The following TRERF1 variants were observed in gnomAD, a reference collection of about 807,000 sequenced individuals.
The protein encoded by TRERF1 is transcriptional-regulating factor 1.
TRERF1 carries 27 observed loss-of-function variants against 122.9 expected under a neutral mutation model. The observed-to-expected ratio is 0.22, with a 90% CI of 0.16 to 0.30. TRERF1 has a LOEUF of 0.30. Among genes scored for constraint, TRERF1 ranks in the 10% least tolerant of loss-of-function variants. The pLI is 1.00. For synonymous variants in TRERF1, 636 were observed against 641.7 expected, an observed-to-expected ratio of 0.99 and a Z score of 0.13; for missense variants, 1,248 against 1,560.3, an observed-to-expected ratio of 0.80 and a Z score of 3.37.
chr6:42,226,978 C>T (rs1769637668), exon 18 of TRERF1: 1 of 152,238 alleles, frequency 6.6e-6, no homozygotes, highest in Non-Finnish European at 1.5e-5. Flanking sequence ...TGACTTTTGC[C>T]CTAACGGTGG....
In TRERF1 at chr6:42,261,180, C is replaced by G. The variant is rs374325525; in HGVS notation, c.1885-1457G>C. Among the ~76,000 whole-genome samples, 222 of 152,302 alleles carry G rather than the reference C, an allele frequency of 1.5e-3. 1 individual carries two copies. Among genetic ancestry groups the G allele is most frequent in the Admixed American group, 1.6e-3 (25 of 15,310 alleles). On this transcript the variant is annotated intron_variant, in intron 8 of 17. Coordinates refer to ENST00000372922, the Ensembl canonical transcript of TRERF1. ...ATGGGGGAAGGAGGCCTGTGCCCCC[C>G]CCAAGGGGAGCAGCCCTGAAGATAC...
chr6:42,255,356 C>T (rs1394103843), intron 12 of TRERF1, among the ~76,000 whole-genome samples: 1 of 152,244 alleles, frequency 6.6e-6, no homozygotes, highest in Non-Finnish European at 1.5e-5. Context: ...AACTGTACTA[C>T]ACACACCATC....
Position 42,315,706 on chromosome 6 carries a change from A to ACCC in TRERF1, c.-370-14960_-370-14958dup, listed in dbSNP as rs367902405. ...GGTCAGGGTTGGGGAGAGGAACACC[A>ACCC]CCCCCCCCCCCACCCACTGCCACCC... On this transcript the variant is annotated intron_variant, in intron 3 of 17. Transcript: ENST00000372922. 1.0e-3 allele frequency among the ~76,000 whole-genome samples: 120 copies of ACCC among 118,604 alleles called. 2 individuals are homozygous for ACCC. Among genetic ancestry groups the ACCC allele is most frequent in the Middle Eastern group, 4.8e-3 (1 of 210 alleles). The allele number at this position is 118,604 out of a possible 152,430, so 77.8% of individuals were successfully genotyped here.
At chr6:42,395,075 C>T (rs1467478873) in intron 2 of TRERF1, among the ~76,000 whole-genome samples, 1 of 152,202 alleles carries the variant, frequency 6.6e-6, no homozygotes, top group African/African-American at 2.4e-5. Context: ...TAGACAGGGC[C>T]GGCACCCTTC....
intron 2 of TRERF1, among the ~76,000 whole-genome samples, chr6:42,370,502 T>G: frequency 6.6e-6 from 1 of 152,176 alleles, no homozygotes; most frequent in East Asian, 1.9e-4. Context: ...GGGAATCACT[T>G]GAGTGCCTGG....
exon 13 of TRERF1, chr6:42,254,855 A>G (rs755692002): frequency 1.1e-5 from 17 of 1,614,080 alleles, no homozygotes; most frequent in Non-Finnish European, 1.4e-5. Flanking sequence ...ACCTACCGGC[A>G]TAGTGGTAAT....
chr6:42,283,026 T>G (rs1005273678), intron 4 of TRERF1, among the ~76,000 whole-genome samples: 1 of 152,246 alleles, frequency 6.6e-6, no homozygotes, highest in Non-Finnish European at 1.5e-5. Context: ...TTCACCCATT[T>G]TCTCTGTAAG....
At chr6:42,441,193 T>G (rs1202302773) in intron 2 of TRERF1, among the ~76,000 whole-genome samples, 1 of 151,604 alleles carries the variant, frequency 6.6e-6, no homozygotes, top group Non-Finnish European at 1.5e-5. Context: ...AAAAGAAAAA[T>G]GGAAAAATCA....
Position 42,391,787 on chromosome 6 carries a change from G to A in TRERF1, c.-453-28708C>T, listed in dbSNP as rs1045443627. ...CCTCAGAACATGGAGCAGTGGGCTG[G>A]AGGGTTCTATGTACATTTCTACCTA... On this transcript the variant is annotated intron_variant, in intron 2 of 17. Coordinates refer to ENST00000372922, the Ensembl canonical transcript of TRERF1. Among the ~76,000 whole-genome samples, 10 of 152,180 alleles carry A rather than the reference G, an allele frequency of 6.6e-5. No individual in the cohort carries two copies. In the East Asian group the frequency reaches 1.9e-3, roughly 29 times the overall value.
At chr6:42,443,008 G>C (rs1179242292) in intron 2 of TRERF1, among the ~76,000 whole-genome samples, 3 of 152,182 alleles carry the variant, frequency 2.0e-5, no homozygotes, top group African/African-American at 7.2e-5. Flanking sequence ...ACACAAATAA[G>C]ATATGTCAAA....
At chr6:42,436,798 T>C (rs1390397993) in intron 2 of TRERF1, among the ~76,000 whole-genome samples, 2 of 49,846 alleles carry the variant, frequency 4.0e-5, no homozygotes, top group Non-Finnish European at 6.3e-5. Context: ...AATCTCCCTC[T>C]ACAAAAAAAA....
chr6:42,313,187 T>C (rs1335255016), intron 3 of TRERF1, among the ~76,000 whole-genome samples: 2 of 152,180 alleles, frequency 1.3e-5, no homozygotes, highest in African/African-American at 4.8e-5. Flanking sequence ...TCGCCTGGGG[T>C]TCGGCATCTC....
intron 2 of TRERF1, among the ~76,000 whole-genome samples, chr6:42,443,418 C>T (rs1467984228): frequency 6.6e-6 from 1 of 152,222 alleles, no homozygotes; most frequent in African/African-American, 2.4e-5. Flanking sequence ...TTCCAGCATA[C>T]ACAGTAAGAC....
At chr6:42,323,755 T>C (rs1057101038) in intron 3 of TRERF1, among the ~76,000 whole-genome samples, 6 of 152,092 alleles carry the variant, frequency 3.9e-5, no homozygotes, top group Non-Finnish European at 1.5e-5. Flanking sequence ...CAGGTAAGCA[T>C]TGGTTGGCCC....
intron 4 of TRERF1, among the ~76,000 whole-genome samples, chr6:42,277,545 G>A (rs1781368912): frequency 6.6e-6 from 1 of 152,108 alleles, no homozygotes; most frequent in South Asian, 2.1e-4. Context: ...GTGAATATGG[G>A]GTAGTTAGAA....
At chr6:42,415,046 C>T (rs1211682016) in intron 2 of TRERF1, among the ~76,000 whole-genome samples, 2 of 152,198 alleles carry the variant, frequency 1.3e-5, no homozygotes, top group African/African-American at 4.8e-5. Context: ...TTTCTTTACA[C>T]TGTCACCAAA....
chr6:42,297,058 G>T (rs1785229379), intron 4 of TRERF1, among the ~76,000 whole-genome samples: 1 of 152,164 alleles, frequency 6.6e-6, no homozygotes, highest in African/African-American at 2.4e-5. Flanking sequence ...CAGTTATCGT[G>T]GGGAGAGAGG....
At chr6:42,324,090 C>G (rs1763897708) in intron 3 of TRERF1, among the ~76,000 whole-genome samples, 1 of 152,154 alleles carries the variant, frequency 6.6e-6, no homozygotes, top group African/African-American at 2.4e-5. Context: ...ATTCCCACAG[C>G]CTAGCACAGG....
chr6:42,306,924 C>G (rs961462994), intron 3 of TRERF1, among the ~76,000 whole-genome samples: 3 of 152,146 alleles, frequency 2.0e-5, no homozygotes, highest in Non-Finnish European at 4.4e-5. Context: ...AGCAGTCAAT[C>G]CTGATTACAC....
Sources: allele counts gnomAD v4.1 joint callset (sites outside exome capture counted in the v4.1 genomes callset), GRCh38; gene constraint gnomAD v4.1.1; transcripts MANE v1.5; gene names NCBI Gene and HGNC (gene_info 2026-07-23, HGNC 2026-07-21).